Variants in PAN3 observed in about 807,000 individuals in gnomAD.
The protein encoded by PAN3 is PAN2-PAN3 deadenylation complex subunit PAN3.
A neutral mutation model predicts 96.2 loss-of-function variants in PAN3; 19 were observed. The observed-to-expected ratio is 0.20, with a 90% CI of 0.14 to 0.29. The LOEUF is 0.29. Ranked by LOEUF, PAN3 falls within the 10% of genes least tolerant of loss-of-function variation. The pLI is 1.00. For synonymous variants in PAN3, 433 were observed against 406.6 expected, an observed-to-expected ratio of 1.06 and a Z score of -0.78; for missense variants, 882 against 1,108.1, an observed-to-expected ratio of 0.80 and a Z score of 2.90.
chr13:28,184,364 A>G (rs1176443673), intron 4 of PAN3, among the ~76,000 whole-genome samples: 1 of 152,154 alleles, frequency 6.6e-6, no homozygotes, highest in Non-Finnish European at 1.5e-5. Context: ...TTTGGGAAAT[A>G]GAAGTTTGAG....
At chr13:28,189,288 C>G (rs563876258) in intron 4 of PAN3, among the ~76,000 whole-genome samples, 1 of 152,070 alleles carries the variant, frequency 6.6e-6, no homozygotes, top group Non-Finnish European at 1.5e-5. Context: ...GAGGCCACGC[C>G]GGGTGGATCA....
chr13:28,214,163 C>T (rs1424002990), intron 5 of PAN3, among the ~76,000 whole-genome samples: 7 of 152,176 alleles, frequency 4.6e-5, no homozygotes, highest in East Asian at 1.9e-4. Context: ...TATATACGTA[C>T]GTATTATATG....
In PAN3 at chr13:28,233,208, A is replaced by G. The variant is rs188871026; in HGVS notation, c.1000+12830A>G. 5.6e-4 allele frequency among the ~76,000 whole-genome samples: 85 copies of G among 152,026 alleles called. 2 individuals are homozygous for G. In the East Asian group the frequency reaches 0.016, roughly 28 times the overall value. Reference sequence around the variant, plus strand: ...TTATGTTAAAAACCTCATATAGAGGAGAAGGGATTTTTGTGATTTGCTTAG... The same window carrying G: ...TTATGTTAAAAACCTCATATAGAGGGGAAGGGATTTTTGTGATTTGCTTAG... On this transcript the variant is annotated intron_variant, in intron 6 of 18. Transcript: ENST00000380958.
At chr13:28,220,439 A>G in intron 6 of PAN3, 61 bp downstream of exon 6, 7 of 1,522,998 alleles carry the variant, frequency 4.6e-6, no homozygotes, top group South Asian at 2.4e-5. Flanking sequence ...ACCATTTACT[A>G]TTAATTTATC....
intron 9 of PAN3, among the ~76,000 whole-genome samples, chr13:28,264,805 T>C (rs1453489164): frequency 6.6e-6 from 1 of 152,204 alleles, no homozygotes. Flanking sequence ...CCACTTCAGA[T>C]TGTATCAGAA....
intron 14 of PAN3, among the ~76,000 whole-genome samples, chr13:28,275,166 C>G (rs1276050593): frequency 6.6e-6 from 1 of 152,004 alleles, no homozygotes; most frequent in African/African-American, 2.4e-5. Context: ...GTGTGAAACT[C>G]TCTTAAGATT....
intron 6 of PAN3, among the ~76,000 whole-genome samples, chr13:28,229,036 G>C (rs1882282701): frequency 1.3e-5 from 2 of 152,186 alleles, no homozygotes; most frequent in Admixed American, 1.3e-4. Flanking sequence ...AAAGGAAGGG[G>C]AAGAGCATGA....
Position 28,266,813 on chromosome 13 carries a change from A to G in PAN3, c.1510A>G (p.Thr504Ala), listed in dbSNP as rs773602437. Residue 504 changes from threonine (T) to alanine (A), a missense_variant, in exon 10 of 19, where the codon ACA becomes GCA. This residue lies in a region of PAN3 where 364 missense variants were observed against 513.6 expected (regional missense o/e 0.71). Transcript: ENST00000380958. ...GAAATCAAGTAATTTTGGATATATT[A>G]CATCTTGCTACAAAGCTGTAAACAG... ...IQKSSNFGYITSCYKAVNSKD... is the reference protein window; with the variant it reads ...IQKSSNFGYIASCYKAVNSKD... The G allele has an allele frequency of 2.5e-6, 4 of 1,611,708 alleles. No individual in the cohort carries two copies. The highest frequency in any genetic ancestry group is 3.4e-6 in the Non-Finnish European group (4 of 1,178,918).
At chr13:28,213,000 C>G (rs1880231779) in intron 5 of PAN3, among the ~76,000 whole-genome samples, 1 of 152,046 alleles carries the variant, frequency 6.6e-6, no homozygotes, top group East Asian at 1.9e-4. Flanking sequence ...AAAATTACAT[C>G]AAGGCACATC....
In PAN3 at chr13:28,283,857, T is replaced by G. The variant is rs550634999; in HGVS notation, c.2384+2478T>G. On this transcript the variant is annotated intron_variant, in intron 17 of 18. Transcript: ENST00000380958. Reference sequence around the variant, plus strand: ...GACAGTATGGTTCCAGAGTGTGTGCTCCTAACCACTATGCTATGTGTCTCC... The same window carrying G: ...GACAGTATGGTTCCAGAGTGTGTGCGCCTAACCACTATGCTATGTGTCTCC... 2.6e-5 allele frequency among the ~76,000 whole-genome samples: 4 copies of G among 152,292 alleles called. No individual in the cohort carries two copies. In the South Asian group the frequency reaches 8.3e-4, roughly 32 times the overall value.
intron 1 of PAN3, among the ~76,000 whole-genome samples, chr13:28,165,690 A>G (rs947780679): frequency 6.6e-6 from 1 of 152,134 alleles, no homozygotes; most frequent in African/African-American, 2.4e-5. Flanking sequence ...GAGACTGGGT[A>G]ATTTTTATAG....
Position 28,271,979 on chromosome 13 carries a change from A to G in PAN3, c.1959-2A>G. 6.5e-7 allele frequency: 1 copy of G among 1,543,076 alleles called. No homozygotes were observed. Among genetic ancestry groups the G allele is most frequent in the Non-Finnish European group, 8.8e-7 (1 of 1,136,172 alleles). On this transcript the variant is annotated splice_acceptor_variant, in intron 13 of 18. Transcript: ENST00000380958. LOFTEE classifies it high-confidence loss of function. ...TTTCTTTAAATTATCTGGTCCTTAA[A>G]GGTTGCGAGTAAATTGTGTTGGAGT...
intron 12 of PAN3, among the ~76,000 whole-genome samples, chr13:28,268,768 T>C (rs528711641): frequency 6.6e-6 from 1 of 152,300 alleles, no homozygotes; most frequent in South Asian, 2.1e-4. Context: ...CTTTCAAGAC[T>C]CTAATTATAG....
intron 1 of PAN3, among the ~76,000 whole-genome samples, chr13:28,151,301 GT>G (rs1449606123): frequency 6.6e-6 from 1 of 152,090 alleles, no homozygotes; most frequent in Admixed American, 6.6e-5. Context: ...AGATCACCAG[GT>G]CAGGAGATCA....
At chr13:28,265,778 C>G (rs1444913904) in intron 9 of PAN3, among the ~76,000 whole-genome samples, 1 of 1,718 alleles carries the variant, frequency 5.8e-4, no homozygotes, top group Non-Finnish European at 7.2e-4. Flanking sequence ...CCAGGTGGGA[C>G]TGCGGACTGC....
chr13:28,225,306 A>G (rs546352772), intron 6 of PAN3, among the ~76,000 whole-genome samples: 1 of 152,340 alleles, frequency 6.6e-6, no homozygotes, highest in African/African-American at 2.4e-5. Flanking sequence ...GACTAAAAAT[A>G]GTTATTTACT....
chr13:28,166,446 C>T (rs1873549311), intron 1 of PAN3, among the ~76,000 whole-genome samples: 1 of 152,162 alleles, frequency 6.6e-6, no homozygotes, highest in South Asian at 2.1e-4. Flanking sequence ...GGGAACCACG[C>T]CCTTATGGCT....
intron 6 of PAN3, among the ~76,000 whole-genome samples, chr13:28,242,123 C>T (rs1276844705): frequency 6.6e-6 from 1 of 152,186 alleles, no homozygotes; most frequent in East Asian, 1.9e-4. Context: ...GCTTCCTTCA[C>T]ATTCCTCTAT....
At chr13:28,184,554 A>G (rs768285868) in intron 4 of PAN3, among the ~76,000 whole-genome samples, 11 of 152,126 alleles carry the variant, frequency 7.2e-5, no homozygotes, top group Non-Finnish European at 1.2e-4. Context: ...TTCAATGTAA[A>G]TTTCTGTCAA....
Sources: gnomAD v4.1 joint callset for allele counts (sites outside exome capture counted in the v4.1 genomes callset) on GRCh38, gnomAD v4.1.1 for gene constraint, gnomAD v4.1.1 regional missense constraint, MANE v1.5 for transcripts, NCBI Gene and HGNC (gene_info 2026-07-23, HGNC 2026-07-21) for gene names.